The following KMT5B variants were observed in gnomAD, a reference collection of about 807,000 sequenced individuals.
The protein encoded by KMT5B is histone-lysine N-methyltransferase KMT5B.
In KMT5B, 10 loss-of-function variants were observed where a neutral mutation model predicts 83.2. The observed-to-expected ratio is 0.12, with a 90% confidence interval of 0.07 to 0.20. The LOEUF (loss-of-function observed/expected upper bound fraction) is 0.20, where lower values mean the gene tolerates loss of function less well. Among genes scored for constraint, KMT5B ranks in the 10% least tolerant of loss-of-function variants. The pLI, the probability that KMT5B is intolerant of heterozygous loss-of-function variation, is 1.00. For missense variants in KMT5B, 753 were observed against 1,067.2 expected (o/e 0.71, Z 4.10); for synonymous variants, 349 against 388.8 (o/e 0.90, Z 1.20).
rs151104110 is a variant in KMT5B at position 68,174,867 on chromosome 11, C to T, written c.543+151G>A. 6,492 of 715,970 alleles carry T rather than the reference C, an allele frequency of 9.1e-3. 46 individuals are homozygous for T. Among genetic ancestry groups the T allele is most frequent in the Middle Eastern group, 0.012 (28 of 2,428 alleles). The allele number at this position is 715,970 out of a possible 1,614,324, so 44.4% of individuals were successfully genotyped here. On this transcript the variant is annotated intron_variant, in intron 5 of 10. Coordinates refer to ENST00000304363, the MANE Select transcript of KMT5B (RefSeq NM_017635.5). Reference sequence around the variant, plus strand: ...CCCAGTTTTTTCTCTGGACTGTCATCCAAATGACTGTATGTGTTACAAGAT... The same window carrying T: ...CCCAGTTTTTTCTCTGGACTGTCATTCAAATGACTGTATGTGTTACAAGAT...
At chr11:68,181,309 G>A (rs565501154) in intron 3 of KMT5B, among the ~76,000 whole-genome samples, 4 of 152,144 alleles carry the variant, frequency 2.6e-5, no homozygotes, top group South Asian at 4.1e-4. Context: ...ACCTGACCTC[G>A]TGATCCACCC....
chr11:68,178,107 G>T (rs75596059), intron 4 of KMT5B, among the ~76,000 whole-genome samples: 3,354 of 152,272 alleles, frequency 0.022, 162 homozygotes, highest in East Asian at 0.22. Flanking sequence ...TTAAGCAAAT[G>T]CAATAAATTA....
intron 1 of KMT5B, among the ~76,000 whole-genome samples, chr11:68,191,173 T>TTG (rs71040600): frequency 0.042 from 5,782 of 139,216 alleles, 134 homozygotes; most frequent in African/African-American, 0.052. Context: ...TTTTAAAACT[T>TTG]TGTGTGTGTG....
chr11:68,213,407 C>T, upstream of KMT5B: 1 of 147,128 alleles, frequency 6.8e-6, no homozygotes. Context: ...CGTCGCGCCC[C>T]CCGCGCCCCC....
chr11:68,195,017 A>G (rs1028815475), intron 1 of KMT5B, among the ~76,000 whole-genome samples: 11 of 152,150 alleles, frequency 7.2e-5, no homozygotes, highest in African/African-American at 2.7e-4. Context: ...GCTACTAAAA[A>G]TAAAAATTAA....
intron 3 of KMT5B, among the ~76,000 whole-genome samples, chr11:68,181,020 A>C (rs1298761812): frequency 1.3e-5 from 2 of 152,026 alleles, no homozygotes; most frequent in Non-Finnish European, 2.9e-5. Flanking sequence ...GTGCACTCAA[A>C]ACATAGCCAG....
At chr11:68,186,624 G>A (rs1032059478) in intron 2 of KMT5B, among the ~76,000 whole-genome samples, 1 of 152,174 alleles carries the variant, frequency 6.6e-6, no homozygotes, top group African/African-American at 2.4e-5. Flanking sequence ...GTTTAACTGT[G>A]GAAGAAAAGC....
chr11:68,203,195 C>T (rs1565260529), intron 1 of KMT5B, among the ~76,000 whole-genome samples: 1 of 150,606 alleles, frequency 6.6e-6, no homozygotes, highest in African/African-American at 2.4e-5. Context: ...AGGCTGGTCT[C>T]GAACTCCTGA....
intron 2 of KMT5B, among the ~76,000 whole-genome samples, chr11:68,186,254 T>C (rs564930573): frequency 2.6e-5 from 4 of 152,206 alleles, no homozygotes; most frequent in African/African-American, 9.6e-5. Flanking sequence ...GACGGGAGCA[T>C]GTTCACTATT....
chr11:68,169,177 G>C (rs956466669), intron 9 of KMT5B, among the ~76,000 whole-genome samples: 1 of 152,184 alleles, frequency 6.6e-6, no homozygotes, highest in Non-Finnish European at 1.5e-5. Context: ...GAGTAGGTGG[G>C]ATTATCCTCA....
intron 1 of KMT5B, among the ~76,000 whole-genome samples, chr11:68,197,643 C>A (rs915069843): frequency 6.6e-6 from 1 of 152,130 alleles, no homozygotes; most frequent in Non-Finnish European, 1.5e-5. Flanking sequence ...ATGATCCAAA[C>A]TGGAAAAAAT....
chr11:68,200,244 T>C (rs544862676), intron 1 of KMT5B, among the ~76,000 whole-genome samples: 4 of 152,222 alleles, frequency 2.6e-5, no homozygotes, highest in South Asian at 2.1e-4. Flanking sequence ...CTTTAACATG[T>C]ATAGGTCAAG....
At chr11:68,166,852 T>G in intron 10 of KMT5B, 130 bp downstream of exon 10, 1 of 1,473,956 alleles carries the variant, frequency 6.8e-7, no homozygotes, top group Non-Finnish European at 9.0e-7. Context: ...AGCCTTGAAG[T>G]GCAGCCAAAG....
intron 9 of KMT5B, among the ~76,000 whole-genome samples, chr11:68,169,948 C>T (rs1855683712): frequency 6.6e-6 from 1 of 151,632 alleles, no homozygotes; most frequent in African/African-American, 2.4e-5. Context: ...TCTGCCACAT[C>T]TTTATGGCAA....
At chr11:68,166,766 A>C (rs993256354) in intron 10 of KMT5B, 3 of 1,388,832 alleles carry the variant, frequency 2.2e-6, no homozygotes, top group Non-Finnish European at 2.8e-6. Context: ...CAAGGTATTC[A>C]AGAAAAATAG....
intron 3 of KMT5B, among the ~76,000 whole-genome samples, chr11:68,181,783 C>G (rs1468916904): frequency 2.0e-5 from 3 of 152,074 alleles, no homozygotes; most frequent in African/African-American, 4.8e-5. Flanking sequence ...TACCTTTCAC[C>G]AAGATTATTG....
In KMT5B at chr11:68,158,572, G is replaced by A. The variant is rs756078170; in HGVS notation, c.1774C>T (p.His592Tyr). ...GCCTCCCCTTTTTGTGCAGTCTCAT[G>A]AGCCAGTTCTTCCTCCTGCAGCACA... ...APVLQEEELA[H>Y]ETAQKGEAKC... Residue 592 changes from histidine (H) to tyrosine (Y), a missense_variant, in exon 11 of 11, where the codon CAT (histidine) becomes TAT (tyrosine). By Grantham distance (83) the His-to-Tyr change is moderately conservative. Coordinates refer to ENST00000304363, the MANE Select transcript of KMT5B (RefSeq NM_017635.5). The A allele has an allele frequency of 2.5e-6, 4 of 1,613,938 alleles. No individual in the cohort carries two copies. Among genetic ancestry groups the A allele is most frequent in the Non-Finnish European group, 3.4e-6 (4 of 1,180,028 alleles).
intron 5 of KMT5B, 91 bp downstream of exon 5, chr11:68,174,924 TTTA>T (rs1856211379): frequency 8.7e-7 from 1 of 1,142,938 alleles, no homozygotes; most frequent in African/African-American, 1.6e-5. Flanking sequence ...GAAAAATAAA[TTTA>T]AAATTTCAGT....
At chr11:68,201,627 A>G (rs1042998924) in intron 1 of KMT5B, among the ~76,000 whole-genome samples, 1 of 152,222 alleles carries the variant, frequency 6.6e-6, no homozygotes, top group Non-Finnish European at 1.5e-5. Context: ...CTGAATGACT[A>G]GAAAGAATGT....
Sources: allele counts gnomAD v4.1 joint callset (sites outside exome capture counted in the v4.1 genomes callset), GRCh38; gene constraint gnomAD v4.1.1; transcripts MANE v1.5; gene names NCBI Gene and HGNC (gene_info 2026-07-23, HGNC 2026-07-21).